PLXNA4: variants seen among roughly 807,000 people sequenced by gnomAD.
PLXNA4 encodes the protein plexin A4, also known as plexin-A4.
A neutral mutation model predicts 191.8 loss-of-function variants in PLXNA4; 44 were observed. That is an observed-to-expected ratio of 0.23 (90% CI 0.18 to 0.29). PLXNA4 has a LOEUF of 0.29. PLXNA4 is among the 10% of genes least tolerant of loss of function. The pLI is 1.00. For missense variants in PLXNA4, 1,800 were observed against 2,488.8 expected (o/e 0.72, Z 5.89); for synonymous variants, 1,082 against 1,009.5 (o/e 1.07, Z -1.36).
chr7:132,226,600 A>G (rs1798332047), intron 7 of PLXNA4, among the ~76,000 whole-genome samples: 2 of 138,428 alleles, frequency 1.4e-5, no homozygotes, highest in African/African-American at 5.2e-5. Context: ...GTAGACTTCT[A>G]GGAATCTAGG....
In PLXNA4 at chr7:132,126,875, AAAG is replaced by A. The variant is rs1375110488; in HGVS notation, c.*3601_*3603del. On this transcript the variant is annotated 3_prime_UTR_variant, in exon 32 of 32. Coordinates refer to ENST00000321063, the MANE Select transcript of PLXNA4 (RefSeq NM_020911.2). Reference sequence around the variant, plus strand: ...TGTTCCCAAATTTAAAACCATACTGAAAGAAGAAGGCAAGAAAATATTTTCCTG... The same window carrying A: ...TGTTCCCAAATTTAAAACCATACTGAAAGAAGGCAAGAAAATATTTTCCTG... 1 of 152,282 alleles carries A rather than the reference AAAG, an allele frequency of 6.6e-6. No individual in the cohort carries two copies. The highest frequency in any genetic ancestry group is 1.5e-5 in the Non-Finnish European group (1 of 68,036). The allele number at this position is 152,282 out of a possible 1,614,324, so 9.4% of individuals were successfully genotyped here. A position where few individuals can be genotyped will look rare whatever the true frequency, so the allele number is the denominator to read the frequency against.
intron 4 of PLXNA4, among the ~76,000 whole-genome samples, chr7:132,250,606 C>CA (rs1378994680): frequency 6.6e-6 from 1 of 152,112 alleles, no homozygotes; most frequent in African/African-American, 2.4e-5. Context: ...TGCGGGGTTG[C>CA]AATGTGTGAG....
intron 4 of PLXNA4, 100 bp from the exon 5 acceptor site, chr7:132,241,266 A>T: frequency 1.3e-6 from 1 of 796,972 alleles, no homozygotes. Context: ...TATCACCTGA[A>T]ATGTTGCAGG....
chr7:132,206,469 T>TGTGTGTGTGC (rs1227094892), intron 10 of PLXNA4, among the ~76,000 whole-genome samples: 2 of 149,536 alleles, frequency 1.3e-5, no homozygotes, highest in East Asian at 3.9e-4. Context: ...TGTGTGTGTG[T>TGTGTGTGTGC]GTGCGCATGT....
In PLXNA4 at chr7:132,622,300, C is replaced by T. The variant is rs145252148; in HGVS notation, c.-87+23628G>A. ...AGTCACCACTTGAAAAAGAGCTATT[C>T]GCCAATCCTGAACAACTGTTTTGGA... is the stretch of plus-strand genomic sequence containing the variant. On this transcript the variant is annotated intron_variant, in intron 2 of 4. Coordinates refer to the PLXNA4 transcript ENST00000378539. 5.3e-5 allele frequency among the ~76,000 whole-genome samples: 8 copies of T among 152,276 alleles called. No homozygotes were observed. In the East Asian group the frequency reaches 5.8e-4, roughly 11 times the overall value.
At chr7:132,334,681 T>C (rs768971941) in intron 3 of PLXNA4, among the ~76,000 whole-genome samples, 80 of 152,198 alleles carry the variant, frequency 5.3e-4, no homozygotes, top group Non-Finnish European at 9.8e-4. Flanking sequence ...CGGAACTTCA[T>C]GGGTTAAACA....
intron 3 of PLXNA4, among the ~76,000 whole-genome samples, chr7:132,400,086 G>GA (rs1454619605): frequency 6.6e-6 from 1 of 151,992 alleles, no homozygotes; most frequent in Non-Finnish European, 1.5e-5. Context: ...TACCCCCGGA[G>GA]AAAAAATAAA....
At chr7:132,496,256 A>G (rs915351090) in intron 2 of PLXNA4, among the ~76,000 whole-genome samples, 3 of 152,230 alleles carry the variant, frequency 2.0e-5, no homozygotes, top group African/African-American at 7.2e-5. Flanking sequence ...TCAGGATCAT[A>G]AAATCCAACA....
chr7:132,580,694 AC>A (rs1319502816), upstream of PLXNA4, among the ~76,000 whole-genome samples: 1 of 152,150 alleles, frequency 6.6e-6, no homozygotes, highest in Non-Finnish European at 1.5e-5. Context: ...CTTAGCTACC[AC>A]CATTTTATTA....
intron 25 of PLXNA4, 40 bp from the exon 26 acceptor site, chr7:132,148,686 C>A: frequency 6.2e-7 from 1 of 1,613,130 alleles, no homozygotes; most frequent in Non-Finnish European, 8.5e-7. Context: ...GGCCCTATGA[C>A]CCCTCTTGTG....
At chr7:132,563,120 CCTT>C (rs1308965484) in intron 1 of PLXNA4, among the ~76,000 whole-genome samples, 1 of 105,518 alleles carries the variant, frequency 9.5e-6, no homozygotes, top group Non-Finnish European at 2.0e-5. Context: ...CCCTCCTCCT[CCTT>C]CTCCTCCTCC....
At chr7:132,451,407 A>G (rs1160061592) in intron 3 of PLXNA4, among the ~76,000 whole-genome samples, 1 of 152,170 alleles carries the variant, frequency 6.6e-6, no homozygotes, top group African/African-American at 2.4e-5. Context: ...TTCACCACCA[A>G]GAGCCAATGT....
rs138370676 is a variant in PLXNA4 at position 132,518,743 on chromosome 7, G to A, written c.-86-9964C>T. On this transcript the variant is annotated intron_variant, in intron 1 of 31. Transcript: ENST00000321063. ...AGCCTTTGGACCCAGCCTGGAAGAA[G>A]CCTCTGCAGGAGGCTGAGCCTGTGA... Among the ~76,000 whole-genome samples the A allele has an allele frequency of 9.8e-5, 15 of 152,310 alleles. No homozygotes were observed. The East Asian group carries it at 2.9e-3, about 29-fold the overall frequency.
intron 1 of PLXNA4, among the ~76,000 whole-genome samples, chr7:132,558,326 A>G (rs1201473836): frequency 6.6e-6 from 1 of 152,204 alleles, no homozygotes; most frequent in South Asian, 2.1e-4. Flanking sequence ...CAAATTTTCT[A>G]TATTTGGTCA....
chr7:132,368,268 A>C (rs1804276289), intron 3 of PLXNA4, among the ~76,000 whole-genome samples: 1 of 152,152 alleles, frequency 6.6e-6, no homozygotes, highest in Non-Finnish European at 1.5e-5. Flanking sequence ...TATTCTGCTT[A>C]GTGTTTTTCC....
At chr7:132,468,537 G>T (rs1229892793) in intron 3 of PLXNA4, among the ~76,000 whole-genome samples, 2 of 152,172 alleles carry the variant, frequency 1.3e-5, no homozygotes, top group African/African-American at 4.8e-5. Context: ...CAGTCGAAGG[G>T]GCAGGCAATG....
chr7:132,128,082 G>A lies in PLXNA4; in HGVS notation c.*2397C>T, dbSNP rs1230351504. 1 of 149,068 alleles carries A rather than the reference G, an allele frequency of 6.7e-6. No homozygotes were observed. Among genetic ancestry groups the A allele is most frequent in the South Asian group, 2.1e-4 (1 of 4,716 alleles). 9.2% of individuals were successfully genotyped at this position (149,068 alleles called of 1,614,324 possible). Reference sequence around the variant, plus strand: ...CAGCAAATCTGTGTTAAATACGTTTGTGTCTCTTTCCTCCCCAACCCTTTA... The same window carrying A: ...CAGCAAATCTGTGTTAAATACGTTTATGTCTCTTTCCTCCCCAACCCTTTA... On this transcript the variant is annotated 3_prime_UTR_variant, in exon 32 of 32. Transcript: ENST00000321063.
At chr7:132,461,942 G>A (rs1229847328) in intron 3 of PLXNA4, among the ~76,000 whole-genome samples, 1 of 152,184 alleles carries the variant, frequency 6.6e-6, no homozygotes, top group East Asian at 1.9e-4. Flanking sequence ...GAAACCACAG[G>A]TGGAAAATTT....
intron 3 of PLXNA4, among the ~76,000 whole-genome samples, chr7:132,346,779 C>T (rs900322055): frequency 1.3e-5 from 2 of 152,240 alleles, no homozygotes; most frequent in Admixed American, 6.5e-5. Context: ...CATACACACA[C>T]ACTTTACTAG....
Sources: gnomAD v4.1 joint callset for allele counts (sites outside exome capture counted in the v4.1 genomes callset) on GRCh38, gnomAD v4.1.1 for gene constraint, MANE v1.5 for transcripts, NCBI Gene and HGNC (gene_info 2026-07-23, HGNC 2026-07-21) for gene names.